The following CSMD1 variants were observed in gnomAD, a reference collection of about 807,000 sequenced individuals.
CSMD1 encodes the protein CUB and Sushi multiple domains 1, also known as CUB and sushi domain-containing protein 1.
A neutral mutation model predicts 417.5 loss-of-function variants in CSMD1; 213 were observed. The ratio of observed to expected loss-of-function variants is 0.51; its 90% CI spans 0.46 to 0.57. The LOEUF is 0.57. Ranked by LOEUF, CSMD1 falls within the 20% of genes least tolerant of loss-of-function variation. The pLI, the probability that CSMD1 is intolerant of heterozygous loss-of-function variation, is 0.00. For missense variants in CSMD1, 6,923 were observed against 4,529.7 expected (o/e 1.53, Z -15.17); for synonymous variants, 2,862 against 1,736.8 (o/e 1.65, Z -16.11).
At chr8:4,241,818 CT>C (rs1802423590) in intron 3 of CSMD1, among the ~76,000 whole-genome samples, 2 of 151,776 alleles carry the variant, frequency 1.3e-5, no homozygotes, top group East Asian at 1.9e-4. Context: ...TCACGCCATT[CT>C]CCTGTCTCAG....
intron 3 of CSMD1, among the ~76,000 whole-genome samples, chr8:4,148,592 G>C (rs148536250): frequency 2.0e-5 from 3 of 152,218 alleles, no homozygotes; most frequent in South Asian, 2.1e-4. Flanking sequence ...CCAGCTGTCT[G>C]GTCTGGTGAG....
At chr8:3,268,732 A>C (rs1801619610) in intron 26 of CSMD1, among the ~76,000 whole-genome samples, 1 of 152,104 alleles carries the variant, frequency 6.6e-6, no homozygotes, top group Non-Finnish European at 1.5e-5. Context: ...TCCATGGGGT[A>C]CTGTTGTCTA....
chr8:3,783,910 G>C (rs955937983), intron 5 of CSMD1, among the ~76,000 whole-genome samples: 3 of 580 alleles, frequency 5.2e-3, no homozygotes, highest in African/African-American at 6.1e-3. Flanking sequence ...GCAGGCTGGA[G>C]CTGGGCTGCA....
rs1025664677 is a variant in CSMD1, at chr8:3,004,085, AT to A, written c.8030-3955del. ...GAGGATAAGCAACTCTATTCACTGA[AT>A]TTTTTTTTTAAAGAAATGAACGTGG... On this transcript the variant is annotated intron_variant, in intron 52 of 69. Coordinates refer to ENST00000635120, the MANE Select transcript of CSMD1 (RefSeq NM_033225.6). Among the ~76,000 whole-genome samples, 233 of 150,526 alleles carry A rather than the reference AT, an allele frequency of 1.5e-3. 2 individuals carry two copies. The highest frequency in any genetic ancestry group is 4.6e-3 in the African/African-American group (187 of 41,058).
chr8:4,150,738 G>C (rs1027867201), intron 3 of CSMD1, among the ~76,000 whole-genome samples: 2 of 152,104 alleles, frequency 1.3e-5, no homozygotes, highest in South Asian at 4.1e-4. Context: ...AGATTAAAAA[G>C]GAATTTCAAA....
chr8:3,284,676 C>T (rs1288080816), intron 25 of CSMD1: 1 of 275,844 alleles, frequency 3.6e-6, no homozygotes, highest in Non-Finnish European at 7.1e-6. Context: ...GGCACACAAA[C>T]CAAATATAAG....
chr8:3,844,244 G>C (rs913540452), intron 5 of CSMD1, among the ~76,000 whole-genome samples: 2 of 152,150 alleles, frequency 1.3e-5, no homozygotes, highest in African/African-American at 4.8e-5. Context: ...AATCTCTGTT[G>C]AGAGCAAGTT....
At chr8:3,979,938 G>A (rs1404567870) in intron 5 of CSMD1, among the ~76,000 whole-genome samples, 2 of 152,132 alleles carry the variant, frequency 1.3e-5, no homozygotes, top group Admixed American at 1.3e-4. Flanking sequence ...TCAATAATAT[G>A]AACTATAGCT....
At chr8:4,309,367 G>T (rs889290321) in intron 3 of CSMD1, among the ~76,000 whole-genome samples, 2 of 152,006 alleles carry the variant, frequency 1.3e-5, no homozygotes, top group Non-Finnish European at 2.9e-5. Flanking sequence ...CTAATCTTTT[G>T]TTCTGTAGTC....
At chr8:4,478,908 T>C (rs1231833526) in intron 2 of CSMD1, among the ~76,000 whole-genome samples, 1 of 152,196 alleles carries the variant, frequency 6.6e-6, no homozygotes, top group Non-Finnish European at 1.5e-5. Context: ...TTTAATTTAG[T>C]TTCTGGCAAT....
chr8:3,697,999 T>C (rs953566554), intron 7 of CSMD1, among the ~76,000 whole-genome samples: 3 of 152,224 alleles, frequency 2.0e-5, no homozygotes, highest in Non-Finnish European at 2.9e-5. Context: ...TAACCACCTG[T>C]AATCCAATCA....
At chr8:3,438,878 G>C (rs907932105) in intron 12 of CSMD1, among the ~76,000 whole-genome samples, 3 of 151,770 alleles carry the variant, frequency 2.0e-5, no homozygotes, top group African/African-American at 7.3e-5. Flanking sequence ...CACTTTGGGA[G>C]GCCAAGGCAG....
chr8:4,140,281 G>C (rs755182426), intron 3 of CSMD1, among the ~76,000 whole-genome samples: 1 of 150,888 alleles, frequency 6.6e-6, no homozygotes, highest in Non-Finnish European at 1.5e-5. Flanking sequence ...TGGATCACTT[G>C]AGGTCAGGAG....
chr8:4,757,200 T>A (rs1811720304), intron 1 of CSMD1, among the ~76,000 whole-genome samples: 1 of 152,198 alleles, frequency 6.6e-6, no homozygotes, highest in Non-Finnish European at 1.5e-5. Flanking sequence ...CAATATTAGT[T>A]TAGCTGTTTT....
In CSMD1 at chr8:3,130,086, T is replaced by G. The variant is rs144701346; in HGVS notation, c.6242-11499A>C. 2.0e-5 allele frequency among the ~76,000 whole-genome samples: 3 copies of G among 152,320 alleles called. No individual in the cohort carries two copies. The East Asian group carries it at 5.8e-4, about 29-fold the overall frequency. ...TGTCAACTGAGATACACCAATTAATTGACAGTTAATGGTTTATGGCATATA... is the reference window on the plus strand; with the variant it reads ...TGTCAACTGAGATACACCAATTAATGGACAGTTAATGGTTTATGGCATATA... On this transcript the variant is annotated intron_variant, in intron 41 of 69. Transcript: ENST00000635120.
At chr8:4,083,164 G>A (rs952624866) in intron 3 of CSMD1, among the ~76,000 whole-genome samples, 1 of 152,004 alleles carries the variant, frequency 6.6e-6, no homozygotes, top group Non-Finnish European at 1.5e-5. Flanking sequence ...GGTATTTCTG[G>A]TTCTAGATCC....
intron 3 of CSMD1, among the ~76,000 whole-genome samples, chr8:4,047,849 G>A (rs189664880): frequency 1.1e-4 from 17 of 152,158 alleles, no homozygotes; most frequent in African/African-American, 3.6e-4. Flanking sequence ...AAAATATGAA[G>A]TAGAGGATCA....
intron 12 of CSMD1, among the ~76,000 whole-genome samples, chr8:3,419,369 C>G (rs1166303133): frequency 6.6e-6 from 1 of 152,142 alleles, no homozygotes; most frequent in African/African-American, 2.4e-5. Context: ...GATGAAGGTG[C>G]TGATCACCAG....
chr8:3,983,854 A>T (rs1006897814), intron 5 of CSMD1, among the ~76,000 whole-genome samples: 2 of 151,082 alleles, frequency 1.3e-5, no homozygotes, highest in Non-Finnish European at 2.9e-5. Context: ...TGTCAATTGC[A>T]ACTCTAGAGC....
Sources: allele counts gnomAD v4.1 joint callset (sites outside exome capture counted in the v4.1 genomes callset), GRCh38; gene constraint gnomAD v4.1.1; transcripts MANE v1.5; gene names NCBI Gene and HGNC (gene_info 2026-07-23, HGNC 2026-07-21).